KCNIP4: variants seen among roughly 807,000 people sequenced by gnomAD.
KCNIP4 encodes potassium voltage-gated channel interacting protein 4, also known as Kv channel-interacting protein 4.
A neutral mutation model predicts 34.0 loss-of-function variants in KCNIP4; 12 were observed. That is an observed-to-expected ratio of 0.35 (90% CI 0.23 to 0.57). The LOEUF (loss-of-function observed/expected upper bound fraction) is 0.57, where lower values mean the gene tolerates loss of function less well. KCNIP4 is among the 20% of genes least tolerant of loss of function. KCNIP4 has a pLI of 0.83. For synonymous variants in KCNIP4, 124 were observed against 102.2 expected, an observed-to-expected ratio of 1.21 and a Z score of -1.29; for missense variants, 238 against 311.7, an observed-to-expected ratio of 0.76 and a Z score of 1.78.
At chr4:21,886,995 A>G (rs1247910301) in intron 1 of KCNIP4, among the ~76,000 whole-genome samples, 1 of 152,148 alleles carries the variant, frequency 6.6e-6, no homozygotes, top group Non-Finnish European at 1.5e-5. Context: ...GGTCTTAATT[A>G]AAGATCTACT....
At chr4:21,052,812 G>C (rs890298776) in intron 1 of KCNIP4, among the ~76,000 whole-genome samples, 3 of 152,150 alleles carry the variant, frequency 2.0e-5, no homozygotes, top group Admixed American at 6.5e-5. Context: ...ACTTGGCACT[G>C]TCTGTATCTG....
At chr4:21,703,003 CAT>C (rs1241826450) in intron 1 of KCNIP4, among the ~76,000 whole-genome samples, 180 of 150,958 alleles carry the variant, frequency 1.2e-3, no homozygotes, top group Non-Finnish European at 5.3e-4. Context: ...AAAAAAATCA[CAT>C]GATTATATTC....
intron 3 of KCNIP4, among the ~76,000 whole-genome samples, chr4:20,773,191 A>G (rs1290052845): frequency 1.3e-5 from 2 of 152,194 alleles, no homozygotes; most frequent in African/African-American, 4.8e-5. Flanking sequence ...ACTTTGAATA[A>G]GTTACTAAAC....
chr4:21,011,026 G>A (rs1020704840), intron 1 of KCNIP4, among the ~76,000 whole-genome samples: 4 of 152,104 alleles, frequency 2.6e-5, no homozygotes, highest in Admixed American at 6.6e-5. Context: ...AATGCCTCCC[G>A]ATGAAATCAG....
At chr4:20,887,677 T>C (rs1382258085) in intron 1 of KCNIP4, among the ~76,000 whole-genome samples, 2 of 152,084 alleles carry the variant, frequency 1.3e-5, no homozygotes, top group Non-Finnish European at 2.9e-5. Context: ...ATAAAGATAC[T>C]TTTAGATAAA....
chr4:21,631,584 C>T (rs530676281), intron 1 of KCNIP4, among the ~76,000 whole-genome samples: 131 of 152,282 alleles, frequency 8.6e-4, no homozygotes, highest in Middle Eastern at 3.4e-3. Context: ...ATATGGACAT[C>T]TCTAATAGTT....
chr4:21,783,819 T>C (rs1302311542), intron 1 of KCNIP4, among the ~76,000 whole-genome samples: 1 of 152,188 alleles, frequency 6.6e-6, no homozygotes, highest in Non-Finnish European at 1.5e-5. Flanking sequence ...TCTATTAATT[T>C]ACAACCTCAA....
chr4:20,738,284 G>A (rs140821133), intron 5 of KCNIP4, among the ~76,000 whole-genome samples: 16 of 152,246 alleles, frequency 1.1e-4, no homozygotes, highest in South Asian at 6.2e-4. Context: ...AATTCACAGC[G>A]TAGTAATAAT....
At chr4:21,254,888 C>T (rs1400383736) in intron 1 of KCNIP4, among the ~76,000 whole-genome samples, 1 of 152,288 alleles carries the variant, frequency 6.6e-6, no homozygotes, top group African/African-American at 2.4e-5. Flanking sequence ...GTCCCATTGT[C>T]GCTATCTTCT....
At chr4:21,660,781 T>C (rs937270179) in intron 1 of KCNIP4, among the ~76,000 whole-genome samples, 2 of 152,144 alleles carry the variant, frequency 1.3e-5, no homozygotes, top group Non-Finnish European at 2.9e-5. Context: ...GTGGTGGTTG[T>C]AGTGATGACA....
chr4:21,491,531 T>G (rs898623314), intron 1 of KCNIP4, among the ~76,000 whole-genome samples: 10 of 152,116 alleles, frequency 6.6e-5, no homozygotes, highest in African/African-American at 1.7e-4. Flanking sequence ...TGTGCTACCA[T>G]GCTGGGCAAA....
At chr4:21,123,119 C>G (rs949898518) in intron 1 of KCNIP4, among the ~76,000 whole-genome samples, 1 of 151,832 alleles carries the variant, frequency 6.6e-6, no homozygotes, top group Non-Finnish European at 1.5e-5. Context: ...GAGGCTGAGG[C>G]AGGAGAATGG....
At chr4:21,681,876 T>C (rs961785948) in intron 1 of KCNIP4, among the ~76,000 whole-genome samples, 1 of 149,834 alleles carries the variant, frequency 6.7e-6, no homozygotes, top group African/African-American at 2.5e-5. Context: ...TGCCACACTT[T>C]TTTTTTTATT....
At chr4:21,783,883 C>CA (rs59614933) in intron 1 of KCNIP4, among the ~76,000 whole-genome samples, 18,531 of 152,006 alleles carry the variant, frequency 0.12, 3,413 homozygotes, top group African/African-American at 0.4. Flanking sequence ...ACTGAAATAT[C>CA]AAAAGTAGCA....
At chr4:20,775,290 G>A (rs1423908128) in intron 3 of KCNIP4, among the ~76,000 whole-genome samples, 2 of 152,064 alleles carry the variant, frequency 1.3e-5, no homozygotes, top group African/African-American at 4.8e-5. Context: ...AAGCAAGCAA[G>A]CAAGCACACA....
At chr4:21,891,108 G>C (rs1727067027) in intron 1 of KCNIP4, among the ~76,000 whole-genome samples, 2 of 152,038 alleles carry the variant, frequency 1.3e-5, no homozygotes, top group Non-Finnish European at 1.5e-5. Context: ...TCATATATAA[G>C]GAATGAATCC....
At chr4:21,280,300 A>G (rs1207492870) in intron 1 of KCNIP4, among the ~76,000 whole-genome samples, 1 of 152,182 alleles carries the variant, frequency 6.6e-6, no homozygotes, top group Non-Finnish European at 1.5e-5. Flanking sequence ...AGAGTTTTCT[A>G]TATTTATTGA....
intron 1 of KCNIP4, among the ~76,000 whole-genome samples, chr4:21,028,195 C>A (rs1303465626): frequency 6.6e-6 from 1 of 152,090 alleles, no homozygotes; most frequent in Non-Finnish European, 1.5e-5. Context: ...CTGTCCTGAT[C>A]AGAGATGTCA....
intron 1 of KCNIP4, among the ~76,000 whole-genome samples, chr4:21,091,050 A>G (rs1746953025): frequency 6.6e-6 from 1 of 152,172 alleles, no homozygotes; most frequent in Non-Finnish European, 1.5e-5. Context: ...TGTTCAACCA[A>G]TTTTCAACTT....
Sources: allele counts gnomAD v4.1 joint callset (sites outside exome capture counted in the v4.1 genomes callset), GRCh38; gene constraint gnomAD v4.1.1; transcripts MANE v1.5; gene names NCBI Gene and HGNC (gene_info 2026-07-23, HGNC 2026-07-21).